The following DLC1 variants were observed in gnomAD, a reference collection of about 807,000 sequenced individuals.
DLC1 encodes the protein DLC1 Rho GTPase activating protein.
DLC1 carries 54 observed loss-of-function variants against 140.3 expected under a neutral mutation model. The ratio of observed to expected loss-of-function variants is 0.38; its 90% CI spans 0.31 to 0.48. The LOEUF is 0.48. Ranked by LOEUF, DLC1 falls within the 20% of genes least tolerant of loss-of-function variation. DLC1 has a pLI of 0.96. For synonymous variants in DLC1, 986 were observed against 728.1 expected, an observed-to-expected ratio of 1.35 and a Z score of -5.70; for missense variants, 2,536 against 1,907.0, an observed-to-expected ratio of 1.33 and a Z score of -6.14.
At chr8:13,470,489 G>T (rs62494112) in intron 2 of DLC1, among the ~76,000 whole-genome samples, 38,279 of 152,030 alleles carry the variant, frequency 0.25, 5,824 homozygotes, top group Middle Eastern at 0.38. Flanking sequence ...AGAAGACATA[G>T]AAATGGTCAA....
chr8:13,541,436 C>T (rs1302449391), intron 1 of DLC1, among the ~76,000 whole-genome samples: 1 of 152,172 alleles, frequency 6.6e-6, no homozygotes. Context: ...CTGAGAGATC[C>T]ACTTGCTCTA....
chr8:13,157,936 C>A (rs1563119882), intron 5 of DLC1, among the ~76,000 whole-genome samples: 2 of 152,304 alleles, frequency 1.3e-5, no homozygotes, highest in African/African-American at 4.8e-5. Flanking sequence ...TTAGTTTACT[C>A]ACTAGTTTAC....
chr8:13,350,685 C>G (rs1052091743), intron 4 of DLC1, among the ~76,000 whole-genome samples: 110 of 152,066 alleles, frequency 7.2e-4, no homozygotes, highest in African/African-American at 2.6e-3. Context: ...CACTGCACTC[C>G]AGCCTGGGCC....
chr8:13,327,303 G>A (rs1690153031), intron 4 of DLC1, among the ~76,000 whole-genome samples: 1 of 151,894 alleles, frequency 6.6e-6, no homozygotes, highest in Non-Finnish European at 1.5e-5. Flanking sequence ...TGTGGAGTAG[G>A]CATCAAAGAG....
intron 2 of DLC1, among the ~76,000 whole-genome samples, chr8:13,462,294 C>G (rs777051467): frequency 1.8e-4 from 27 of 152,048 alleles, no homozygotes; most frequent in African/African-American, 6.3e-4. Context: ...TGCCATATGA[C>G]CCAAGGATGT....
At chr8:13,288,097 A>C (rs1413898747) in intron 5 of DLC1, among the ~76,000 whole-genome samples, 1 of 152,294 alleles carries the variant, frequency 6.6e-6, no homozygotes, top group Non-Finnish European at 1.5e-5. Context: ...CAAAACCAAA[A>C]GCCTACTTCA....
At chr8:13,285,882 A>G (rs1831519568) in intron 5 of DLC1, among the ~76,000 whole-genome samples, 1 of 152,152 alleles carries the variant, frequency 6.6e-6, no homozygotes, top group South Asian at 2.1e-4. Context: ...AGTGGCAGAG[A>G]TCAGCTCAGT....
At chr8:13,569,806 C>T (rs535732066) in intron 1 of DLC1, among the ~76,000 whole-genome samples, 41 of 152,352 alleles carry the variant, frequency 2.7e-4, no homozygotes, top group African/African-American at 9.4e-4. Context: ...ACTGCAGCCT[C>T]AACCTCTAGG....
chr8:13,596,180 G>A (rs918974530), intron 1 of DLC1, among the ~76,000 whole-genome samples: 3 of 152,006 alleles, frequency 2.0e-5, no homozygotes, highest in African/African-American at 7.2e-5. Context: ...ATAGTCAATT[G>A]TTGGGTGCCT....
intron 1 of DLC1, among the ~76,000 whole-genome samples, chr8:13,502,207 A>G (rs1801850535): frequency 6.6e-6 from 1 of 152,226 alleles, no homozygotes; most frequent in Non-Finnish European, 1.5e-5. Flanking sequence ...TGTCAAATCA[A>G]AGGAAGATAG....
chr8:13,442,192 C>T (rs973693105), intron 2 of DLC1, among the ~76,000 whole-genome samples: 1 of 152,142 alleles, frequency 6.6e-6, no homozygotes, highest in Non-Finnish European at 1.5e-5. Context: ...ACACCTTAGA[C>T]AAAAATTCAT....
At chr8:13,365,836 A>T (rs1388975823) in intron 4 of DLC1, among the ~76,000 whole-genome samples, 3 of 152,190 alleles carry the variant, frequency 2.0e-5, no homozygotes, top group Non-Finnish European at 1.5e-5. Flanking sequence ...TATTCTTAAA[A>T]ATAAATATAT....
intron 3 of DLC1, among the ~76,000 whole-genome samples, chr8:13,397,672 T>TA (rs57069875): frequency 0.41 from 59,046 of 145,058 alleles, 11,943 homozygotes; most frequent in East Asian, 0.76. Flanking sequence ...CTACAAAAAT[T>TA]AAAAAAAAAA....
At position 13,133,042 on chromosome 8, in the gene DLC1, G is replaced by A. The variant is rs113906356; in HGVS notation, c.1349-17385C>T. On this transcript the variant is annotated intron_variant, in intron 5 of 17. Transcript: ENST00000276297. The stretch of plus-strand genomic sequence containing the variant: ...AGTCGAGGCAGGCGGAGGCGGCTCG[G>A]CTTCCGCGTCGGGACCCACGGCGGC... The A allele has an allele frequency of 1.6e-5, 26 of 1,576,530 alleles. No homozygotes were observed. The African/African-American group carries it at 2.3e-4, about 14-fold the overall frequency.
intron 5 of DLC1, chr8:13,116,279 T>A: frequency 3.1e-6 from 3 of 962,624 alleles, no homozygotes; most frequent in Non-Finnish European, 3.7e-6. Flanking sequence ...AAATGGCTAA[T>A]AAAGCTTCTA....
intron 1 of DLC1, among the ~76,000 whole-genome samples, chr8:13,539,152 T>C (rs1803399258): frequency 2.0e-5 from 3 of 151,574 alleles, no homozygotes; most frequent in Admixed American, 2.0e-4. Flanking sequence ...TAATTCTGCT[T>C]TTTTTCAGTA....
At chr8:13,172,183 ATTAT>A (rs1320318457) in intron 5 of DLC1, among the ~76,000 whole-genome samples, 1 of 152,198 alleles carries the variant, frequency 6.6e-6, no homozygotes, top group Non-Finnish European at 1.5e-5. Context: ...TAAAGTGGTA[ATTAT>A]TTAAGAGCTA....
At chr8:13,545,853 T>G (rs1803633854) in intron 1 of DLC1, among the ~76,000 whole-genome samples, 1 of 152,166 alleles carries the variant, frequency 6.6e-6, no homozygotes, top group Non-Finnish European at 1.5e-5. Flanking sequence ...TGGAATCCAA[T>G]GTTTTCATAT....
At chr8:13,543,609 C>A (rs1030247280) in intron 1 of DLC1, among the ~76,000 whole-genome samples, 1 of 151,950 alleles carries the variant, frequency 6.6e-6, no homozygotes, top group African/African-American at 2.4e-5. Flanking sequence ...ATAAATAACA[C>A]CAAGAAGATG....
Sources: gnomAD v4.1 joint callset for allele counts (sites outside exome capture counted in the v4.1 genomes callset) on GRCh38, gnomAD v4.1.1 for gene constraint, MANE v1.5 for transcripts, NCBI Gene and HGNC (gene_info 2026-07-23, HGNC 2026-07-21) for gene names.